Variants in GABRA3 observed in about 807,000 individuals in gnomAD.
The protein encoded by GABRA3 is gamma-aminobutyric acid type A receptor subunit alpha3.
GABRA3 carries 10 observed loss-of-function variants against 30.1 expected under a neutral mutation model. The ratio of observed to expected loss-of-function variants is 0.33; its 90% CI spans 0.20 to 0.56. The LOEUF is 0.56. Among genes scored for constraint, GABRA3 ranks in the 20% least tolerant of loss-of-function variants. The pLI is 0.89. For synonymous variants in GABRA3, 151 were observed against 146.8 expected, an observed-to-expected ratio of 1.03 and a Z score of -0.21; for missense variants, 233 against 392.0, an observed-to-expected ratio of 0.59 and a Z score of 3.42.
At chrX:152,291,940 G>C (rs1371447847) in intron 3 of GABRA3, among the ~76,000 whole-genome samples, 1 of 111,716 alleles carries the variant, frequency 9.0e-6, no homozygotes, top group Non-Finnish European at 1.9e-5. Context: ...GAGGATTTTT[G>C]CATCAATGTT....
At position 152,192,227 on chromosome X, in the gene GABRA3, C is replaced by T. The variant is rs757725323; in HGVS notation, c.932-2286G>A. On this transcript the variant is annotated intron_variant, in intron 8 of 9. Coordinates refer to ENST00000370314, the MANE Select transcript of GABRA3 (RefSeq NM_000808.4). ...AGGGCCCTCAATCAAGCCTTTGGTA[C>T]GCTTCATGGATGGACAAAGAGATTC... Among the ~76,000 whole-genome samples, 13 of 111,953 alleles carry T rather than the reference C, an allele frequency of 1.2e-4. No homozygotes were observed. In the South Asian group the frequency reaches 4.1e-3, roughly 35 times the overall value.
intron 8 of GABRA3, among the ~76,000 whole-genome samples, chrX:152,192,070 T>C (rs541694610): frequency 3.4e-4 from 38 of 112,242 alleles, no homozygotes; most frequent in African/African-American, 1.2e-3. Flanking sequence ...TGCTAGTGCT[T>C]AGATGGAGAG....
At chrX:152,251,918 G>A (rs1390251932) in intron 5 of GABRA3, among the ~76,000 whole-genome samples, 2 of 110,494 alleles carry the variant, frequency 1.8e-5, no homozygotes, top group Non-Finnish European at 3.8e-5. Context: ...TGTGAGAAGA[G>A]GTGTCCCTCT....
chrX:152,277,109 G>T (rs755897075), intron 4 of GABRA3, among the ~76,000 whole-genome samples: 1 of 111,392 alleles, frequency 9.0e-6, no homozygotes, highest in Non-Finnish European at 1.9e-5. Context: ...ATAGAAAAAG[G>T]TTTTCATCCA....
chrX:152,315,173 G>A (rs777498323), intron 3 of GABRA3, among the ~76,000 whole-genome samples: 119 of 111,410 alleles, frequency 1.1e-3, no homozygotes, highest in African/African-American at 3.8e-3. Flanking sequence ...CCGGAATACT[G>A]TTAGTGCCCA....
chrX:152,357,940 T>C (rs1293933073), intron 2 of GABRA3, among the ~76,000 whole-genome samples: 2 of 111,499 alleles, frequency 1.8e-5, no homozygotes, highest in Non-Finnish European at 3.8e-5. Flanking sequence ...TACCATGCTG[T>C]TTTGGTTACT....
At chrX:152,295,785 C>T (rs1204454401) in intron 3 of GABRA3, among the ~76,000 whole-genome samples, 6 of 112,354 alleles carry the variant, frequency 5.3e-5, no homozygotes, top group East Asian at 2.8e-4. Context: ...GAGTCAATCA[C>T]GCTGGGAGCT....
At chrX:152,294,685 C>T (rs1459414995) in intron 3 of GABRA3, among the ~76,000 whole-genome samples, 5 of 111,479 alleles carry the variant, frequency 4.5e-5, no homozygotes, top group South Asian at 3.8e-4. Context: ...TGAGGAGCTG[C>T]GATCCTTTGG....
At chrX:152,275,742 G>C (rs1404788957) in intron 4 of GABRA3, among the ~76,000 whole-genome samples, 4 of 108,577 alleles carry the variant, frequency 3.7e-5, no homozygotes, top group Non-Finnish European at 7.6e-5. Context: ...CTGGACAACA[G>C]AGTGAGATTC....
At chrX:152,420,053 A>T (rs780332180) in intron 1 of GABRA3, among the ~76,000 whole-genome samples, 152 of 112,247 alleles carry the variant, frequency 1.4e-3, no homozygotes, top group African/African-American at 4.6e-3. Flanking sequence ...TGTAGAAAAA[A>T]AATCTGATAA....
At chrX:152,402,637 C>T (rs1929823413) in intron 1 of GABRA3, among the ~76,000 whole-genome samples, 1 of 111,376 alleles carries the variant, frequency 9.0e-6, no homozygotes, top group African/African-American at 3.3e-5. Context: ...CTCAGTTTTA[C>T]TTCGAATCAG....
At chrX:152,280,147 T>G (rs976082555) in intron 4 of GABRA3, among the ~76,000 whole-genome samples, 4 of 111,370 alleles carry the variant, frequency 3.6e-5, no homozygotes, top group Non-Finnish European at 7.5e-5. Flanking sequence ...TCCAACACTA[T>G]GTTGAACAGG....
intron 5 of GABRA3, among the ~76,000 whole-genome samples, chrX:152,243,973 T>C (rs1204905746): frequency 8.9e-6 from 1 of 112,283 alleles, no homozygotes; most frequent in Non-Finnish European, 1.9e-5. Flanking sequence ...CTCATCTTTA[T>C]TGGAAATACC....
intron 1 of GABRA3, among the ~76,000 whole-genome samples, chrX:152,380,748 G>A (rs72614788): frequency 7.2e-5 from 8 of 111,534 alleles, no homozygotes; most frequent in East Asian, 5.6e-4. Flanking sequence ...TATTAATGCC[G>A]GCACTTATCT....
At chrX:152,370,805 A>G (rs1928815179) in intron 1 of GABRA3, among the ~76,000 whole-genome samples, 1 of 110,304 alleles carries the variant, frequency 9.1e-6, no homozygotes, top group Admixed American at 9.7e-5. Context: ...TATTTCCAAC[A>G]TTTTTCATCT....
chrX:152,334,693 TA>T (rs1940208383), intron 3 of GABRA3, among the ~76,000 whole-genome samples: 1 of 111,573 alleles, frequency 9.0e-6, no homozygotes, highest in Admixed American at 9.6e-5. Context: ...ATGCCTGGTC[TA>T]AAATTTATTT....
At chrX:152,352,468 T>C (rs1603246615) in intron 2 of GABRA3, among the ~76,000 whole-genome samples, 1 of 111,401 alleles carries the variant, frequency 9.0e-6, no homozygotes, top group Non-Finnish European at 1.9e-5. Flanking sequence ...TCACTGACCA[T>C]CTAGAGCATC....
At chrX:152,310,419 C>T in intron 3 of GABRA3, among the ~76,000 whole-genome samples, 1 of 111,931 alleles carries the variant, frequency 8.9e-6, no homozygotes, top group Non-Finnish European at 1.9e-5. Flanking sequence ...AAACTGAAAT[C>T]ATACCAATGA....
chrX:152,356,424 TAAGA>T (rs748842438), intron 2 of GABRA3, among the ~76,000 whole-genome samples: 6 of 111,478 alleles, frequency 5.4e-5, no homozygotes, highest in African/African-American at 2.0e-4. Flanking sequence ...AAAACATAAT[TAAGA>T]AAGTACGGAA....
Sources: allele counts gnomAD v4.1 joint callset (sites outside exome capture counted in the v4.1 genomes callset), GRCh38; gene constraint gnomAD v4.1.1; transcripts MANE v1.5; gene names NCBI Gene and HGNC (gene_info 2026-07-23, HGNC 2026-07-21).